GPR19: variants seen among roughly 807,000 people sequenced by gnomAD.
The protein encoded by GPR19 is probable G protein-coupled receptor 19.
A neutral mutation model predicts 28.5 loss-of-function variants in GPR19; 14 were observed. The ratio of observed to expected loss-of-function variants is 0.49; its 90% CI spans 0.32 to 0.77. The LOEUF (loss-of-function observed/expected upper bound fraction) is 0.77, where lower values mean the gene tolerates loss of function less well. Among genes scored for constraint, GPR19 ranks in the 30% least tolerant of loss-of-function variants. The pLI is 0.03. For missense variants in GPR19, 409 were observed against 504.1 expected (o/e 0.81, Z 1.81); for synonymous variants, 173 against 184.1 (o/e 0.94, Z 0.49).
At chr12:12,715,875 T>G in the GPR19 span, 2 of 152,154 alleles carry the variant, frequency 1.3e-5, no homozygotes, top group Admixed American at 1.3e-4. Flanking sequence ...CTGGAGCGTA[T>G]GAGATGAGGT....
At chr12:12,716,024 T>G in the GPR19 span, 4 of 152,364 alleles carry the variant, frequency 2.6e-5, no homozygotes, top group African/African-American at 7.2e-5. Flanking sequence ...GCATTAACTT[T>G]GGCTCAAACC....
At chr12:12,700,179 C>T (rs891561831), upstream of GPR19, among the ~76,000 whole-genome samples, 43 of 128,918 alleles carry the variant, frequency 3.3e-4, no homozygotes, top group Non-Finnish European at 7.1e-4. Context: ...CTCTCTGTCC[C>T]TTTATTTTTT....
At chr12:12,674,171 C>A (rs1273426676) in intron 3 of GPR19, among the ~76,000 whole-genome samples, 2 of 139,410 alleles carry the variant, frequency 1.4e-5, no homozygotes, top group Admixed American at 1.5e-4. Context: ...GAGATTGTAC[C>A]ACTGCACTCC....
intron 3 of GPR19, among the ~76,000 whole-genome samples, chr12:12,666,731 C>T (rs1317876790): frequency 6.6e-6 from 1 of 152,150 alleles, no homozygotes; most frequent in East Asian, 1.9e-4. Flanking sequence ...TCTGTAAGGA[C>T]AGAGAACTGA....
chr12:12,663,281 G>A (rs1043880695), intron 3 of GPR19, among the ~76,000 whole-genome samples: 2 of 152,018 alleles, frequency 1.3e-5, no homozygotes, highest in African/African-American at 4.8e-5. Flanking sequence ...ATGGCAGTCA[G>A]GTGATTAAAA....
chr12:12,693,613 G>A (rs571370189), intron 2 of GPR19, among the ~76,000 whole-genome samples: 2 of 152,276 alleles, frequency 1.3e-5, no homozygotes, highest in Admixed American at 6.5e-5. Context: ...AAATTAGTAC[G>A]TTAACCCCAT....
chr12:12,687,630 C>T (rs983556251), intron 2 of GPR19, among the ~76,000 whole-genome samples: 1 of 152,148 alleles, frequency 6.6e-6, no homozygotes, highest in Non-Finnish European at 1.5e-5. Context: ...GGGGACCAAA[C>T]ACAGGAATAA....
intron 2 of GPR19, among the ~76,000 whole-genome samples, chr12:12,689,098 G>C (rs576767206): frequency 2.0e-5 from 3 of 152,310 alleles, no homozygotes; most frequent in Non-Finnish European, 4.4e-5. Context: ...ACAGAAGCTT[G>C]CATGTCACAT....
At chr12:12,673,876 A>T (rs976669614) in intron 3 of GPR19, among the ~76,000 whole-genome samples, 2 of 152,104 alleles carry the variant, frequency 1.3e-5, no homozygotes, top group South Asian at 2.1e-4. Context: ...CCTCACGCAC[A>T]TTTATGTTTT....
Position 12,662,032 on chromosome 12 carries a change from C to A in GPR19, c.417G>T (p.Lys139Asn). 1 of 1,614,218 alleles carries A rather than the reference C, an allele frequency of 6.2e-7. No individual in the cohort carries two copies. The highest frequency in any genetic ancestry group is 8.5e-7 in the Non-Finnish European group (1 of 1,180,032). The change falls in exon 4 of 4, where the codon AAG becomes AAT. Residue 139 changes from lysine (K) to asparagine (N), a missense_variant. Transcript: ENST00000651487. ...GRWTLGSATC[K>N]VVRYFQYLTP... ...TGAGATATTGAAAATATCGCACAAC[C>A]TTGCACGTTGCACTACCCAGCGTCC...
chr12:12,710,222 G>A, the GPR19 span, among the ~76,000 whole-genome samples: 6 of 152,090 alleles, frequency 3.9e-5, no homozygotes, highest in South Asian at 2.1e-4. Context: ...GCCTGGTGGC[G>A]CGCACCTCTA....
chr12:12,709,728 C>T, the GPR19 span, among the ~76,000 whole-genome samples: 8 of 152,168 alleles, frequency 5.3e-5, no homozygotes, highest in Admixed American at 3.3e-4. Flanking sequence ...CATGAGCCAC[C>T]GTACCCCACT....
At chr12:12,695,795 C>T (rs74061759) in intron 1 of GPR19, among the ~76,000 whole-genome samples, 4,291 of 152,266 alleles carry the variant, frequency 0.028, 195 homozygotes, top group African/African-American at 0.097. Flanking sequence ...AGTCTGGCCT[C>T]CCAGGTAGGC....
At position 12,689,230 on chromosome 12, in the gene GPR19, A is replaced by G. The variant is rs1946146147; in HGVS notation, c.-179-4723T>C. On this transcript the variant is annotated intron_variant, in intron 2 of 3. Coordinates refer to ENST00000651487, the MANE Select transcript of GPR19 (RefSeq NM_006143.3). ...CAAGACATGAGGGATCTGTCCCACG[A>G]CCCAAACACCTCCCACCAGGCCCCA... is the stretch of plus-strand genomic sequence containing the variant. Among the ~76,000 whole-genome samples the G allele has an allele frequency of 2.6e-5, 4 of 152,232 alleles. No individual in the cohort carries two copies. In the South Asian group the frequency reaches 6.2e-4, roughly 24 times the overall value.
chr12:12,683,745 T>G (rs11055015), intron 3 of GPR19, among the ~76,000 whole-genome samples: 48,058 of 152,156 alleles, frequency 0.32, 8,119 homozygotes, highest in Middle Eastern at 0.44. Flanking sequence ...CGGCTGATTA[T>G]TTTAGCCTGT....
chr12:12,692,119 C>T (rs2136336548), intron 2 of GPR19, among the ~76,000 whole-genome samples: 1 of 152,294 alleles, frequency 6.6e-6, no homozygotes, highest in East Asian at 1.9e-4. Context: ...AGCAATACGT[C>T]TTACTTTGTT....
chr12:12,693,076 A>C (rs558045429), intron 2 of GPR19, among the ~76,000 whole-genome samples: 130 of 152,366 alleles, frequency 8.5e-4, no homozygotes, highest in Non-Finnish European at 1.6e-3. Context: ...ATAAACCTAG[A>C]AACCAGAATT....
intron 3 of GPR19, among the ~76,000 whole-genome samples, chr12:12,668,418 C>T (rs1206326553): frequency 2.6e-5 from 4 of 151,660 alleles, no homozygotes; most frequent in Admixed American, 6.6e-5. Context: ...TAAGAGGGAG[C>T]GGAGGACCAC....
chr12:12,711,740 C>T, the GPR19 span, among the ~76,000 whole-genome samples: 2 of 152,158 alleles, frequency 1.3e-5, no homozygotes, highest in Admixed American at 1.3e-4. Context: ...CTCCTACATT[C>T]TCCTTTTCTG....
Sources: gnomAD v4.1 joint callset for allele counts (sites outside exome capture counted in the v4.1 genomes callset) on GRCh38, gnomAD v4.1.1 for gene constraint, MANE v1.5 for transcripts, NCBI Gene and HGNC (gene_info 2026-07-23, HGNC 2026-07-21) for gene names.